IGF1R: variants seen among roughly 807,000 people sequenced by gnomAD.
IGF1R encodes the protein insulin like growth factor 1 receptor, also known as insulin-like growth factor 1 receptor.
A neutral mutation model predicts 144.6 loss-of-function variants in IGF1R; 44 were observed. The ratio of observed to expected loss-of-function variants is 0.30; its 90% CI spans 0.24 to 0.39. The LOEUF (loss-of-function observed/expected upper bound fraction) is 0.39. Ranked by LOEUF, IGF1R falls within the 10% of genes least tolerant of loss-of-function variation. IGF1R has a pLI of 1.00. For synonymous variants in IGF1R, 795 were observed against 722.8 expected (o/e 1.10, Z -1.60); for missense variants, 1,355 against 1,833.7 (o/e 0.74, Z 4.77).
At chr15:98,680,147 A>G (rs1433093509) in intron 1 of IGF1R, among the ~76,000 whole-genome samples, 1 of 152,200 alleles carries the variant, frequency 6.6e-6, no homozygotes, top group Non-Finnish European at 1.5e-5. Context: ...TATAAAGTCT[A>G]CAGTAGTGTA....
At chr15:98,662,161 A>G (rs1030920535) in intron 1 of IGF1R, among the ~76,000 whole-genome samples, 8 of 149,636 alleles carry the variant, frequency 5.3e-5, no homozygotes, top group Non-Finnish European at 1.2e-4. Context: ...TTTTTTTTCT[A>G]GTAGAGACGG....
chr15:98,772,224 CAAA>C (rs2055603705), intron 2 of IGF1R, among the ~76,000 whole-genome samples: 1 of 152,066 alleles, frequency 6.6e-6, no homozygotes, highest in Admixed American at 6.5e-5. Context: ...TCTGACTTAA[CAAA>C]ATTGGTGAAA....
intron 1 of IGF1R, among the ~76,000 whole-genome samples, chr15:98,687,296 G>A (rs1457307811): frequency 6.6e-6 from 1 of 152,184 alleles, no homozygotes; most frequent in Non-Finnish European, 1.5e-5. Context: ...TGGCGGTGAA[G>A]GGGCGAGTCT....
chr15:98,664,717 C>T (rs1475836722), intron 1 of IGF1R, among the ~76,000 whole-genome samples: 2 of 150,980 alleles, frequency 1.3e-5, no homozygotes, highest in African/African-American at 4.9e-5. Flanking sequence ...AAGTGTCACC[C>T]ATCTTGGAGG....
intron 17 of IGF1R, among the ~76,000 whole-genome samples, chr15:98,936,266 G>T (rs1360313931): frequency 6.6e-6 from 1 of 152,074 alleles, no homozygotes; most frequent in African/African-American, 2.4e-5. Context: ...TTTCACTTTG[G>T]GTTATGAGCT....
intron 2 of IGF1R, among the ~76,000 whole-genome samples, chr15:98,738,467 T>G (rs978987112): frequency 2.6e-5 from 4 of 152,090 alleles, no homozygotes; most frequent in African/African-American, 9.7e-5. Flanking sequence ...GCCCAGGAGT[T>G]CGAGGCTAAA....
At chr15:98,811,577 C>A (rs983280091) in intron 2 of IGF1R, among the ~76,000 whole-genome samples, 1 of 151,648 alleles carries the variant, frequency 6.6e-6, no homozygotes, top group African/African-American at 2.4e-5. Flanking sequence ...GAAAACTCTC[C>A]TTCCTTATAA....
chr15:98,948,479 T>C (rs1226013911), intron 19 of IGF1R, 95 bp from the exon 20 acceptor site: 3 of 1,345,882 alleles, frequency 2.2e-6, no homozygotes, highest in African/African-American at 1.4e-5. Context: ...AAGGACAGTT[T>C]ATCTGCTCGG....
chr15:98,915,175 G>A (rs2015189402), intron 8 of IGF1R, among the ~76,000 whole-genome samples: 2 of 152,220 alleles, frequency 1.3e-5, no homozygotes, highest in Non-Finnish European at 2.9e-5. Flanking sequence ...GTTCTGGGAT[G>A]CATTTGATCT....
At chr15:98,695,992 T>A (rs1419788490) in intron 1 of IGF1R, among the ~76,000 whole-genome samples, 2 of 151,510 alleles carry the variant, frequency 1.3e-5, no homozygotes, top group African/African-American at 4.8e-5. Flanking sequence ...TAAGTCTCCC[T>A]TAGGTACAGT....
chr15:98,745,922 A>T (rs2054853690), intron 2 of IGF1R, among the ~76,000 whole-genome samples: 1 of 152,234 alleles, frequency 6.6e-6, no homozygotes, highest in Admixed American at 6.5e-5. Flanking sequence ...ACACCTGCCC[A>T]CATACAAATT....
chr15:98,861,449 C>A (rs911229509), intron 2 of IGF1R, among the ~76,000 whole-genome samples: 1 of 152,160 alleles, frequency 6.6e-6, no homozygotes, highest in Non-Finnish European at 1.5e-5. Flanking sequence ...TGTTCATAAC[C>A]CCAACCTCCA....
intron 1 of IGF1R, among the ~76,000 whole-genome samples, chr15:98,699,197 C>T (rs1285574524): frequency 6.6e-6 from 1 of 152,254 alleles, no homozygotes; most frequent in East Asian, 1.9e-4. Context: ...ACTGGCTCTA[C>T]AGTCTGTCCT....
intron 20 of IGF1R, among the ~76,000 whole-genome samples, chr15:98,956,414 G>A (rs1447059889): frequency 1.3e-5 from 2 of 152,228 alleles, no homozygotes; most frequent in Non-Finnish European, 1.5e-5. Flanking sequence ...CTGGCTCATC[G>A]GCTGGGGCTT....
chr15:98,912,534 A>G (rs2015069051), intron 7 of IGF1R, among the ~76,000 whole-genome samples: 1 of 152,240 alleles, frequency 6.6e-6, no homozygotes, highest in South Asian at 2.1e-4. Context: ...AATTTCACTG[A>G]GGACTTGATG....
At chr15:98,884,435 C>A (rs1280457907) in intron 2 of IGF1R, among the ~76,000 whole-genome samples, 1 of 152,214 alleles carries the variant, frequency 6.6e-6, no homozygotes, top group African/African-American at 2.4e-5. Flanking sequence ...TGGCTCACAC[C>A]TGTAATCCCA....
intron 1 of IGF1R, among the ~76,000 whole-genome samples, chr15:98,701,530 TG>T (rs2053733558): frequency 6.6e-6 from 1 of 151,914 alleles, no homozygotes; most frequent in Non-Finnish European, 1.5e-5. Context: ...TTAGTAGAGA[TG>T]GGGTTTCACC....
chr15:98,927,005 G>A (rs556650324), intron 13 of IGF1R, among the ~76,000 whole-genome samples: 2 of 152,170 alleles, frequency 1.3e-5, no homozygotes, highest in South Asian at 4.2e-4. Flanking sequence ...TCCTAGTTTG[G>A]GGGTCTGTGA....
At chr15:98,747,331 G>C (rs2054893754) in intron 2 of IGF1R, among the ~76,000 whole-genome samples, 1 of 151,898 alleles carries the variant, frequency 6.6e-6, no homozygotes, top group Non-Finnish European at 1.5e-5. Context: ...TGAGTACCTG[G>C]AATTACAGGC....
Sources: allele counts gnomAD v4.1 joint callset (sites outside exome capture counted in the v4.1 genomes callset), GRCh38; gene constraint gnomAD v4.1.1; transcripts MANE v1.5; gene names NCBI Gene and HGNC (gene_info 2026-07-23, HGNC 2026-07-21).